NHSL1: variants seen among roughly 807,000 people sequenced by gnomAD.
NHSL1 encodes the protein NHS-like protein 1.
NHSL1 carries 48 observed loss-of-function variants against 95.0 expected under a neutral mutation model. The ratio of observed to expected loss-of-function variants is 0.51; its 90% CI spans 0.40 to 0.64. The LOEUF (loss-of-function observed/expected upper bound fraction) is 0.64. Ranked by LOEUF, NHSL1 falls within the 30% of genes least tolerant of loss-of-function variation. The pLI is 0.00. For missense variants in NHSL1, 1,971 were observed against 2,077.7 expected, an observed-to-expected ratio of 0.95 and a Z score of 1.00; for synonymous variants, 783 against 833.9, an observed-to-expected ratio of 0.94 and a Z score of 1.05.
chr6:138,544,463 C>A (rs1562361274), intron 1 of NHSL1, among the ~76,000 whole-genome samples: 1 of 151,450 alleles, frequency 6.6e-6, no homozygotes, highest in Non-Finnish European at 1.5e-5. Flanking sequence ...AAATTTGCAC[C>A]TACTATATAA....
At chr6:138,499,181 A>G in intron 1 of NHSL1, 52 bp downstream of exon 1, 1 of 1,196,330 alleles carries the variant, frequency 8.4e-7, no homozygotes, top group Non-Finnish European at 1.2e-6. Context: ...ACATATACAC[A>G]TATGGAAACA....
chr6:138,692,908 CCGGGCGGGCAGGAAGGACGGACGGACGGA>C (rs1785703209), upstream of NHSL1, among the ~76,000 whole-genome samples: 1 of 150,396 alleles, frequency 6.6e-6, no homozygotes, highest in Non-Finnish European at 1.5e-5. The surrounding 1 kb of genome is among the most constrained non-coding windows in gnomAD (Gnocchi z 4.0). Flanking sequence ...AGGGGAGAGG[CCGGGCGGGCAGGAAGGACGGACGGACGGA>C]CGGGCGCGCG....
At position 138,591,144 on chromosome 6, in the gene NHSL1, T is replaced by C. The variant is rs138172296; in HGVS notation, c.97-94773A>G. On this transcript the variant is annotated intron_variant, in intron 1 of 3. Transcript: ENST00000491526. ...AGACCTATCTTTTTGAACTTGAGAA[T>C]GTGCAGGATATAATCAGCAAAAGGA... Among the ~76,000 whole-genome samples the C allele has an allele frequency of 5.6e-3, 850 of 152,342 alleles. 11 individuals are homozygous for C. The highest frequency in any genetic ancestry group is 9.2e-3 in the Non-Finnish European group (625 of 68,020).
intron 1 of NHSL1, among the ~76,000 whole-genome samples, chr6:138,648,970 T>TTTAA (rs1785054050): frequency 6.6e-6 from 1 of 152,228 alleles, no homozygotes; most frequent in Non-Finnish European, 1.5e-5. Flanking sequence ...CATATACCTT[T>TTTAA]TTAATGTAAC....
intron 2 of NHSL1, among the ~76,000 whole-genome samples, chr6:138,495,905 C>T (rs1400474193): frequency 1.3e-5 from 2 of 152,120 alleles, no homozygotes; most frequent in African/African-American, 4.8e-5. Flanking sequence ...CTTATAAAAC[C>T]ATCAGATTTC....
intron 1 of NHSL1, among the ~76,000 whole-genome samples, chr6:138,607,090 T>G (rs965763125): frequency 1.3e-5 from 2 of 152,184 alleles, no homozygotes; most frequent in African/African-American, 4.8e-5. Context: ...TATGCATCTG[T>G]AGGTAATGCT....
intron 1 of NHSL1, among the ~76,000 whole-genome samples, chr6:138,515,031 A>G (rs1036796794): frequency 1.3e-5 from 2 of 152,116 alleles, no homozygotes; most frequent in African/African-American, 4.8e-5. Context: ...GACAGATCTG[A>G]TAACTGTGAC....
At chr6:138,589,247 C>T (rs1232480215) in intron 1 of NHSL1, among the ~76,000 whole-genome samples, 1 of 152,066 alleles carries the variant, frequency 6.6e-6, no homozygotes, top group Non-Finnish European at 1.5e-5. Context: ...ATGGGTGAGG[C>T]GTGAAGGAGA....
At chr6:138,574,385 C>T (rs1273856002), upstream of NHSL1, among the ~76,000 whole-genome samples, 2 of 152,126 alleles carry the variant, frequency 1.3e-5, no homozygotes, top group East Asian at 3.9e-4. Flanking sequence ...CAGAGAAATC[C>T]ATTAATGCCC....
intron 2 of NHSL1, among the ~76,000 whole-genome samples, chr6:138,490,684 G>C (rs1364470154): frequency 2.0e-5 from 3 of 152,062 alleles, no homozygotes; most frequent in Non-Finnish European, 4.4e-5. Context: ...CCAGGCTGGA[G>C]TGCAGTGGCA....
chr6:138,467,342 CG>C (rs1299522005), intron 3 of NHSL1, among the ~76,000 whole-genome samples: 3 of 151,996 alleles, frequency 2.0e-5, no homozygotes, highest in Non-Finnish European at 4.4e-5. Context: ...TTAGTAGAGA[CG>C]GGGTTTTGCC....
Position 138,432,011 on chromosome 6 carries a change from G to A in NHSL1, c.2334C>T (p.Asp778=). 3 of 1,551,722 alleles carry A rather than the reference G, an allele frequency of 1.9e-6. No homozygotes were observed. The highest frequency in any genetic ancestry group is 2.6e-6 in the Non-Finnish European group (3 of 1,146,976). ...DTSSVKSEYT[D]PWGYYIDYTG... ...TGTAGTCAATGTAATAACCCCAGGG[G>A]TCCGTGTACTCTGACTTGACGCTGC... The change falls in exon 6 of 8, where the codon GAC becomes GAT. Residue 778 remains aspartate (D), a synonymous_variant. Coordinates refer to ENST00000343505, the MANE Select transcript of NHSL1 (RefSeq NM_001144060.2). The surrounding 1 kb of genome is among the most constrained non-coding windows in gnomAD (Gnocchi z 4.4).
upstream of NHSL1, among the ~76,000 whole-genome samples, chr6:138,693,128 T>C (rs947552669): frequency 8.8e-4 from 133 of 151,314 alleles, no homozygotes; most frequent in Non-Finnish European, 1.5e-3. The surrounding 1 kb of genome is among the most constrained non-coding windows in gnomAD (Gnocchi z 4.3). Flanking sequence ...CCGCTGAAGT[T>C]TGCAGGCGGG....
intron 1 of NHSL1, among the ~76,000 whole-genome samples, chr6:138,668,526 A>G (rs757543984): frequency 6.6e-6 from 1 of 152,160 alleles, no homozygotes; most frequent in Non-Finnish European, 1.5e-5. Flanking sequence ...ATCATGTTGC[A>G]CCCCATAAAC....
chr6:138,600,057 T>C (rs1784352186), intron 1 of NHSL1, among the ~76,000 whole-genome samples: 2 of 151,878 alleles, frequency 1.3e-5, no homozygotes, highest in South Asian at 4.2e-4. Context: ...GGCAGAAGAA[T>C]TGCTTGAATC....
intron 3 of NHSL1, chr6:138,464,395 ACAGGTCAGGG>A (rs1441462907): frequency 2.3e-6 from 1 of 432,400 alleles, no homozygotes; most frequent in African/African-American, 2.0e-5. Flanking sequence ...ACTTCTGAAG[ACAGGTCAGGG>A]CAGGAAGGCC....
At chr6:138,447,801 G>T (rs1392925844) in intron 3 of NHSL1, among the ~76,000 whole-genome samples, 2 of 152,118 alleles carry the variant, frequency 1.3e-5, no homozygotes, top group East Asian at 1.9e-4. Context: ...AAGTTCGTGG[G>T]TTTAGTTTAA....
upstream of NHSL1, among the ~76,000 whole-genome samples, chr6:138,504,086 T>C (rs1780831907): frequency 2.1e-5 from 3 of 145,768 alleles, no homozygotes; most frequent in South Asian, 6.6e-4. Context: ...AAAAAAAATA[T>C]TAGCCCGGTG....
At chr6:138,449,384 T>C (rs2128222516) in intron 3 of NHSL1, among the ~76,000 whole-genome samples, 1 of 152,094 alleles carries the variant, frequency 6.6e-6, no homozygotes, top group Non-Finnish European at 1.5e-5. Context: ...CTGTTAAATA[T>C]CATGGATATG....
Sources: allele counts gnomAD v4.1 joint callset (sites outside exome capture counted in the v4.1 genomes callset), GRCh38; gene constraint gnomAD v4.1.1; non-coding constraint Gnocchi (gnomAD v3.1); transcripts MANE v1.5; gene names NCBI Gene and HGNC (gene_info 2026-07-23, HGNC 2026-07-21).